The following EYS variants were observed in gnomAD, a reference collection of about 807,000 sequenced individuals.
The protein encoded by EYS is protein eyes shut homolog.
In EYS, 250 loss-of-function variants were observed where a neutral mutation model predicts 282.1. The ratio of observed to expected loss-of-function variants is 0.89; its 90% CI spans 0.80 to 0.98. The LOEUF (loss-of-function observed/expected upper bound fraction) is 0.98, where lower values mean the gene tolerates loss of function less well. EYS is among the 50% of genes least tolerant of loss of function. The probability of loss-of-function intolerance (pLI) is 0.00; values close to 1 mark genes in which losing one functional copy is unlikely to be tolerated. For missense variants in EYS, 4,016 were observed against 3,709.0 expected (o/e 1.08, Z -2.15); for synonymous variants, 1,355 against 1,282.9 (o/e 1.06, Z -1.20).
intron 26 of EYS, among the ~76,000 whole-genome samples, chr6:64,454,237 T>C (rs989090966): frequency 2.0e-5 from 3 of 152,168 alleles, no homozygotes; most frequent in African/African-American, 7.2e-5. Context: ...CCTATTCCAT[T>C]TGACAGATTG....
chr6:64,551,159 T>C (rs1007532615), intron 26 of EYS, among the ~76,000 whole-genome samples: 10 of 149,420 alleles, frequency 6.7e-5, no homozygotes, highest in Non-Finnish European at 1.3e-4. Context: ...TATATACATA[T>C]ATGTGTATAT....
chr6:64,399,750 A>G (rs1773486843), intron 28 of EYS, among the ~76,000 whole-genome samples: 1 of 151,858 alleles, frequency 6.6e-6, no homozygotes, highest in South Asian at 2.1e-4. Context: ...AAATTTTGGT[A>G]CCTGATGTAT....
chr6:63,950,364 A>G (rs963309167), intron 35 of EYS, among the ~76,000 whole-genome samples: 1 of 152,012 alleles, frequency 6.6e-6, no homozygotes, highest in African/African-American at 2.4e-5. Context: ...CTCCTGGCTC[A>G]GAAGCTCCCC....
chr6:64,371,139 G>C (rs1429693088), intron 29 of EYS, among the ~76,000 whole-genome samples: 1 of 151,822 alleles, frequency 6.6e-6, no homozygotes, highest in East Asian at 1.9e-4. Flanking sequence ...CTAACTTTTT[G>C]ATGTAAGTGT....
rs75571981 is a variant in EYS at position 63,910,997 on chromosome 6, T to C, written c.7056-46639A>G. Among the ~76,000 whole-genome samples, 53 of 152,270 alleles carry C rather than the reference T, an allele frequency of 3.5e-4. No homozygotes were observed. The East Asian group carries it at 0.01, about 29-fold the overall frequency. On this transcript the variant is annotated intron_variant, in intron 35 of 42. Coordinates refer to ENST00000503581, the MANE Select transcript of EYS (RefSeq NM_001142800.2). The stretch of plus-strand genomic sequence containing the variant: ...CATGGCAAGTTACTTGATTCTGGTT[T>C]CCCAAAACAATATGCTTTATCAGTG...
intron 5 of EYS, among the ~76,000 whole-genome samples, chr6:65,455,270 A>G (rs1764558601): frequency 6.6e-6 from 1 of 152,120 alleles, no homozygotes; most frequent in Non-Finnish European, 1.5e-5. Context: ...GTTGCAAATG[A>G]AATTGCTTTC....
At chr6:64,292,446 G>C (rs1768748087) in intron 30 of EYS, among the ~76,000 whole-genome samples, 1 of 152,082 alleles carries the variant, frequency 6.6e-6, no homozygotes, top group South Asian at 2.1e-4. Flanking sequence ...TGAGTTGCTA[G>C]AGAGCTAGGG....
chr6:64,830,567 G>A lies in EYS; in HGVS notation c.2993-7745C>T, dbSNP rs192374987. Among the ~76,000 whole-genome samples, 14 of 152,074 alleles carry A rather than the reference G, an allele frequency of 9.2e-5. No individual in the cohort carries two copies. The East Asian group carries it at 2.1e-3, about 23-fold the overall frequency. ...GCCAGCATATTTTCTAGCCAAGGAT[G>A]AGGGTAATATAATTTGCACAGGAGA... is the stretch of plus-strand genomic sequence containing the variant. On this transcript the variant is annotated intron_variant, in intron 19 of 42. Coordinates refer to ENST00000503581, the MANE Select transcript of EYS (RefSeq NM_001142800.2).
chr6:64,855,432 A>T (rs1218783771), intron 19 of EYS, among the ~76,000 whole-genome samples: 1 of 152,086 alleles, frequency 6.6e-6, no homozygotes, highest in Non-Finnish European at 1.5e-5. Flanking sequence ...ATTCCAAAAG[A>T]ATTTTTCATC....
intron 26 of EYS, among the ~76,000 whole-genome samples, chr6:64,569,061 A>C (rs1051915365): frequency 1.9e-4 from 29 of 150,238 alleles, no homozygotes; most frequent in Non-Finnish European, 3.0e-5. Context: ...AAAAAGGCTG[A>C]AAATCCAAAA....
rs370053975 is a variant in EYS, at chr6:64,388,676, A to T, written c.6078+14T>A. The T allele has an allele frequency of 1.3e-6, 2 of 1,495,852 alleles. No individual in the cohort carries two copies. 92.7% of individuals were successfully genotyped at this position (1,495,852 alleles called of 1,614,324 possible). On this transcript the variant is annotated intron_variant, in intron 29 of 42. Coordinates refer to ENST00000503581, the MANE Select transcript of EYS (RefSeq NM_001142800.2). ...TTTTCAATAATTAATATTTTAAAAC[A>T]TCTATAGAAATACCTGGATTTTCCC... is the stretch of plus-strand genomic sequence containing the variant.
intron 26 of EYS, among the ~76,000 whole-genome samples, chr6:64,525,347 A>T (rs919202220): frequency 1.3e-5 from 2 of 151,900 alleles, no homozygotes; most frequent in Admixed American, 1.3e-4. Context: ...TCAGCCATTA[A>T]AAAGAATGAA....
At chr6:64,161,941 AG>A (rs1216571163) in intron 31 of EYS, among the ~76,000 whole-genome samples, 1 of 152,094 alleles carries the variant, frequency 6.6e-6, no homozygotes, top group East Asian at 1.9e-4. Context: ...TTTCTGTTCA[AG>A]TTTTTCTTGT....
chr6:65,239,938 T>A (rs1209946773), intron 12 of EYS, among the ~76,000 whole-genome samples: 2 of 151,818 alleles, frequency 1.3e-5, no homozygotes, highest in Admixed American at 6.6e-5. Flanking sequence ...TATCTGATTT[T>A]AAAAATCCAT....
intron 5 of EYS, among the ~76,000 whole-genome samples, chr6:65,475,583 TA>T (rs1765370942): frequency 6.6e-6 from 1 of 152,154 alleles, no homozygotes; most frequent in Admixed American, 6.5e-5. Context: ...CTGAAAAGTA[TA>T]AGAAGGCACC....
At chr6:65,706,573 C>T (rs1364612109) in intron 1 of EYS, among the ~76,000 whole-genome samples, 2 of 152,040 alleles carry the variant, frequency 1.3e-5, no homozygotes, top group Non-Finnish European at 2.9e-5. Context: ...TGTAAGAAAA[C>T]TTAAACAACC....
At chr6:64,276,063 A>G (rs906627046) in intron 30 of EYS, among the ~76,000 whole-genome samples, 3 of 151,960 alleles carry the variant, frequency 2.0e-5, no homozygotes, top group Non-Finnish European at 2.9e-5. Context: ...GAAAATGCCT[A>G]TACATCCCTG....
chr6:65,500,771 T>C (rs1450668661), intron 2 of EYS, among the ~76,000 whole-genome samples: 1 of 151,734 alleles, frequency 6.6e-6, no homozygotes, highest in African/African-American at 2.4e-5. Context: ...CTCTCCCAGG[T>C]TTATATAATC....
chr6:64,593,956 C>A (rs1358742456), intron 24 of EYS, among the ~76,000 whole-genome samples: 2 of 152,032 alleles, frequency 1.3e-5, no homozygotes, highest in Non-Finnish European at 2.9e-5. Flanking sequence ...ACAAGTTATA[C>A]TATATGAATC....
Sources: gnomAD v4.1 joint callset for allele counts (sites outside exome capture counted in the v4.1 genomes callset) on GRCh38, gnomAD v4.1.1 for gene constraint, MANE v1.5 for transcripts, NCBI Gene and HGNC (gene_info 2026-07-23, HGNC 2026-07-21) for gene names.